MPP7: variants seen among roughly 807,000 people sequenced by gnomAD.
MPP7 encodes MAGUK p55 subfamily member 7.
In MPP7, 60 loss-of-function variants were observed where a neutral mutation model predicts 76.5. The ratio of observed to expected loss-of-function variants is 0.78; its 90% CI spans 0.64 to 0.97. MPP7 has a LOEUF of 0.97. Among genes scored for constraint, MPP7 ranks in the 50% least tolerant of loss-of-function variants. The pLI, the probability that MPP7 is intolerant of heterozygous loss-of-function variation, is 0.00. For missense variants in MPP7, 641 were observed against 694.0 expected (o/e 0.92, Z 0.86); for synonymous variants, 237 against 244.5 (o/e 0.97, Z 0.29).
At chr10:28,331,887 A>C (rs539043604) in intron 1 of MPP7, among the ~76,000 whole-genome samples, 1 of 152,294 alleles carries the variant, frequency 6.6e-6, no homozygotes, top group Non-Finnish European at 1.5e-5. Context: ...AAAAGATATT[A>C]TCTTTATATA....
Position 28,188,926 on chromosome 10 carries a change from A to C in MPP7, c.156+13227T>G, listed in dbSNP as rs181413830. Among the ~76,000 whole-genome samples, 21 of 152,284 alleles carry C rather than the reference A, an allele frequency of 1.4e-4. No individual in the cohort carries two copies. The East Asian group carries it at 2.9e-3, about 21-fold the overall frequency. On this transcript the variant is annotated intron_variant, in intron 3 of 16. Transcript: ENST00000683449. ...TTTTCAGACAAACAAAAACTCAAGG[A>C]ATTTGCAACCAGTAGACCTGCCTTG...
At chr10:28,199,842 G>A (rs1320322837) in intron 3 of MPP7, among the ~76,000 whole-genome samples, 9 of 150,686 alleles carry the variant, frequency 6.0e-5, no homozygotes, top group Non-Finnish European at 8.9e-5. Flanking sequence ...TCCTGGCCTC[G>A]GATTACAGGT....
At chr10:28,065,498 T>C (rs1851954409) in intron 13 of MPP7, among the ~76,000 whole-genome samples, 1 of 152,150 alleles carries the variant, frequency 6.6e-6, no homozygotes, top group Admixed American at 6.6e-5. Context: ...ATAAGAGATC[T>C]GAAATTCTTA....
chr10:28,093,704 C>A (rs1853429416), intron 11 of MPP7, among the ~76,000 whole-genome samples: 1 of 152,154 alleles, frequency 6.6e-6, no homozygotes, highest in African/African-American at 2.4e-5. Flanking sequence ...GCCTTGGCCT[C>A]CCAAAGTGCT....
intron 1 of MPP7, among the ~76,000 whole-genome samples, chr10:28,267,476 G>A (rs1177170145): frequency 2.0e-5 from 3 of 152,114 alleles, no homozygotes; most frequent in African/African-American, 7.2e-5. Context: ...CACAGGTTGA[G>A]CATCTCTAAT....
chr10:28,178,462 A>T (rs1004626245), intron 3 of MPP7, among the ~76,000 whole-genome samples: 1 of 152,150 alleles, frequency 6.6e-6, no homozygotes, highest in African/African-American at 2.4e-5. Flanking sequence ...GGAAAAAAAA[A>T]GTCCCAGAGT....
At chr10:28,144,046 A>G (rs1421360472) in intron 5 of MPP7, among the ~76,000 whole-genome samples, 3 of 151,840 alleles carry the variant, frequency 2.0e-5, no homozygotes, top group Admixed American at 2.0e-4. Flanking sequence ...CACCGCCACC[A>G]TACCCGGGAT....
chr10:28,288,009 C>A (rs1259020772), intron 1 of MPP7, among the ~76,000 whole-genome samples: 1 of 152,188 alleles, frequency 6.6e-6, no homozygotes, highest in Non-Finnish European at 1.5e-5. Context: ...CCATTTCCAA[C>A]TACAGATGTG....
At chr10:28,243,399 AT>A (rs35662382) in intron 1 of MPP7, among the ~76,000 whole-genome samples, 20,848 of 145,586 alleles carry the variant, frequency 0.14, 2,059 homozygotes, top group East Asian at 0.47. Flanking sequence ...AACAAATGTG[AT>A]TTTTTTTTTT....
intron 1 of MPP7, among the ~76,000 whole-genome samples, chr10:28,245,045 G>C (rs765061216): frequency 3.3e-4 from 50 of 152,144 alleles, no homozygotes; most frequent in Non-Finnish European, 5.6e-4. Context: ...CTTCTCTGAT[G>C]ATGACTGCCT....
intron 3 of MPP7, among the ~76,000 whole-genome samples, chr10:28,172,198 G>C (rs1405970886): frequency 6.6e-6 from 1 of 152,174 alleles, no homozygotes; most frequent in African/African-American, 2.4e-5. Context: ...ATTTCAAGAG[G>C]ATATTTTACT....
At chr10:28,108,671 AATAAAATAAAATAAT>A (rs58486932) in intron 11 of MPP7, among the ~76,000 whole-genome samples, 2,557 of 151,596 alleles carry the variant, frequency 0.017, 75 homozygotes, top group African/African-American at 0.056. Context: ...AATAAAATAA[AATAAAATAAAATAAT>A]ATAAAATAAT....
intron 3 of MPP7, among the ~76,000 whole-genome samples, chr10:28,153,296 T>C (rs1835944911): frequency 1.3e-5 from 2 of 151,858 alleles, no homozygotes; most frequent in Non-Finnish European, 2.9e-5. Context: ...TTTTCTCCCC[T>C]GAGCAACTGG....
chr10:28,333,375 C>G (rs991160843), intron 1 of MPP7, among the ~76,000 whole-genome samples: 1 of 152,152 alleles, frequency 6.6e-6, no homozygotes, highest in African/African-American at 2.4e-5. Context: ...GAACTCCTGA[C>G]CTAAGGTGAT....
rs187607900 is a variant in MPP7 at position 28,074,083 on chromosome 10, T to C, written c.1124-4231A>G. On this transcript the variant is annotated intron_variant, in intron 12 of 16. Coordinates refer to ENST00000683449, the MANE Select transcript of MPP7 (RefSeq NM_001318170.2). ...GATAGAGGCACCATGAGGGCAGGAG[T>C]ATTATATTGTTTACCATCCCCACCA... Among the ~76,000 whole-genome samples, 15 of 152,180 alleles carry C rather than the reference T, an allele frequency of 9.9e-5. No homozygotes were observed. The East Asian group carries it at 2.9e-3, about 29-fold the overall frequency.
At chr10:28,098,659 T>C (rs1358634792) in intron 11 of MPP7, among the ~76,000 whole-genome samples, 1 of 152,016 alleles carries the variant, frequency 6.6e-6, no homozygotes, top group Non-Finnish European at 1.5e-5. Context: ...TGTGGTTATA[T>C]CAGCACGTAA....
At chr10:28,202,096 C>T (rs1378357653) in intron 3 of MPP7, 57 bp downstream of exon 3, 2 of 1,221,466 alleles carry the variant, frequency 1.6e-6, no homozygotes, top group African/African-American at 3.0e-5. Flanking sequence ...TTGGTGGTGC[C>T]CCAAATATTT....
intron 16 of MPP7, 66 bp from the exon 17 acceptor site, chr10:28,054,310 A>T (rs1485657849): frequency 1.1e-6 from 1 of 914,954 alleles, no homozygotes; most frequent in African/African-American, 1.7e-5. Context: ...ATATCAATGC[A>T]AACATTCTAC....
At position 28,150,018 on chromosome 10, in the gene MPP7, C is replaced by G. The variant is rs1341732771; in HGVS notation, c.198G>C (p.Val66=). ...KLHYYEKQSP[V]PILHGAAALA... ...AGGCCGCCGCACCATGGAGAATGGG[C>G]ACCGGACTCTGCTTCTCATAGTAGT... Residue 66 remains valine, a synonymous_variant, in exon 4 of 17, where the codon GTG becomes GTC. Coordinates refer to ENST00000683449, the MANE Select transcript of MPP7 (RefSeq NM_001318170.2). 1 of 1,613,608 alleles carries G rather than the reference C, an allele frequency of 6.2e-7. No homozygotes were observed. Among genetic ancestry groups the G allele is most frequent in the East Asian group, 2.2e-5 (1 of 44,872 alleles).
Sources: allele counts gnomAD v4.1 joint callset (sites outside exome capture counted in the v4.1 genomes callset), GRCh38; gene constraint gnomAD v4.1.1; transcripts MANE v1.5; gene names NCBI Gene and HGNC (gene_info 2026-07-23, HGNC 2026-07-21).